Variants in YJU2 observed in about 807,000 individuals in gnomAD.
YJU2 encodes YJU2 splicing factor homolog.
A neutral mutation model predicts 39.6 loss-of-function variants in YJU2; 28 were observed. That is an observed-to-expected ratio of 0.71 (90% CI 0.52 to 0.97). YJU2 has a LOEUF of 0.97. Ranked by LOEUF, YJU2 falls within the 50% of genes least tolerant of loss-of-function variation. YJU2 has a pLI of 0.00. For missense variants in YJU2, 328 were observed against 430.4 expected (o/e 0.76, Z 2.11); for synonymous variants, 184 against 182.4 (o/e 1.01, Z -0.07).
In YJU2 at chr19:4,247,652, T is replaced by C. The variant is rs1422376450; in HGVS notation, c.24+482T>C. The stretch of plus-strand genomic sequence containing the variant: ...GTGTGTGTGTGTGTGTGTGTGTGTG[T>C]GTGTGTGTGTGTGTGTGTGTGTGTG... On this transcript the variant is annotated intron_variant, in intron 1 of 7. Coordinates refer to ENST00000262962, the MANE Select transcript of YJU2 (RefSeq NM_018074.6). Among the ~76,000 whole-genome samples the C allele has an allele frequency of 7.1e-3, 419 of 58,926 alleles. 43 individuals are homozygous for C. The highest frequency in any genetic ancestry group is 0.019 in the African/African-American group (183 of 9,684). 38.7% of individuals were successfully genotyped at this position (58,926 alleles called of 152,430 possible).
At chr19:4,264,577 C>T (rs563968774) in intron 6 of YJU2, among the ~76,000 whole-genome samples, 2 of 152,006 alleles carry the variant, frequency 1.3e-5, no homozygotes, top group East Asian at 3.9e-4. Flanking sequence ...ACCTTCGCCC[C>T]CCGGGTTCAA....
At chr19:4,261,654 C>T (rs1396333127) in intron 5 of YJU2, among the ~76,000 whole-genome samples, 1 of 151,958 alleles carries the variant, frequency 6.6e-6, no homozygotes, top group African/African-American at 2.4e-5. Context: ...GAGCGAGACT[C>T]TGTCTCAAAA....
chr19:4,268,849 G>C lies in YJU2; in HGVS notation c.*153G>C, dbSNP rs1971139896. 1 of 616,766 alleles carries C rather than the reference G, an allele frequency of 1.6e-6. No individual in the cohort carries two copies. The highest frequency in any genetic ancestry group is 1.9e-5 in the South Asian group (1 of 51,922). 38.2% of individuals were successfully genotyped at this position (616,766 alleles called of 1,614,324 possible). A position where few individuals can be genotyped will look rare whatever the true frequency, so the allele number is the denominator to read the frequency against. On this transcript the variant is annotated 3_prime_UTR_variant, in exon 8 of 8. Transcript: ENST00000262962. ...GTGCTCCAACACATAGGGCCACCAG[G>C]GGCCTCAGCCCCAGGAGGTCCCTTC...
intron 3 of YJU2, 69 bp downstream of exon 3, chr19:4,251,240 G>C: frequency 6.8e-7 from 1 of 1,461,536 alleles, no homozygotes; most frequent in Non-Finnish European, 9.5e-7. Context: ...GGGCCCTGGG[G>C]TTCCTTAACT....
chr19:4,252,297 TAAA>T (rs59412491), intron 3 of YJU2, among the ~76,000 whole-genome samples: 1 of 150,584 alleles, frequency 6.6e-6, no homozygotes, highest in Admixed American at 6.6e-5. Flanking sequence ...CCAACTCTAC[TAAA>T]AAAAAATACA....
intron 6 of YJU2, among the ~76,000 whole-genome samples, chr19:4,263,519 G>A (rs771068155): frequency 1.3e-5 from 2 of 152,034 alleles, no homozygotes; most frequent in East Asian, 1.9e-4. Flanking sequence ...CAACTAGAAC[G>A]AAGGGAGGCC....
chr19:4,265,751 G>C (rs1343891485), intron 6 of YJU2, among the ~76,000 whole-genome samples: 1 of 151,378 alleles, frequency 6.6e-6, no homozygotes, highest in African/African-American at 2.4e-5. Flanking sequence ...ACCACACCTG[G>C]CTAGGTTTTG....
At position 4,258,436 on chromosome 19, in the gene YJU2, C is replaced by A; in HGVS notation, c.587+13C>A. 1 of 1,569,202 alleles carries A rather than the reference C, an allele frequency of 6.4e-7. No homozygotes were observed. The highest frequency in any genetic ancestry group is 2.3e-5 in the East Asian group (1 of 43,546). ...AGCAGGAGACCGCGTGAGTCAGGGCCGGCCCAACCCAGCCCCACCTCGCAG... is the reference window on the plus strand; with the variant it reads ...AGCAGGAGACCGCGTGAGTCAGGGCAGGCCCAACCCAGCCCCACCTCGCAG... On this transcript the variant is annotated intron_variant, in intron 5 of 7. Transcript: ENST00000262962.
At chr19:4,251,001 T>A in intron 2 of YJU2, 26 bp from the exon 3 acceptor site, 7 of 1,611,968 alleles carry the variant, frequency 4.3e-6, no homozygotes, top group Non-Finnish European at 5.9e-6. Flanking sequence ...CCAAGACAGC[T>A]CACATCCCTA....
intron 7 of YJU2, among the ~76,000 whole-genome samples, chr19:4,268,345 C>G (rs1768372166): frequency 6.6e-6 from 1 of 152,248 alleles, no homozygotes; most frequent in Non-Finnish European, 1.5e-5. Context: ...CTTGGCAGCG[C>G]ACGTTGCCTG....
intron 6 of YJU2, among the ~76,000 whole-genome samples, chr19:4,263,023 G>A (rs548167150): frequency 4.1e-5 from 6 of 147,396 alleles, no homozygotes; most frequent in African/African-American, 1.5e-4. Context: ...GCAGCGAGCC[G>A]AGATCGTGCC....
intron 1 of YJU2, among the ~76,000 whole-genome samples, chr19:4,247,571 GTGGGGTGGCGCGTGT>G (rs1970930884): frequency 7.8e-5 from 7 of 89,464 alleles, no homozygotes; most frequent in African/African-American, 6.3e-4. Flanking sequence ...GTGGGGTGGG[GTGGGGTGGCGCGTGT>G]GTGTGTGTGT....
chr19:4,268,519 C>A, intron 7 of YJU2, 65 bp from the exon 8 acceptor site: 1 of 1,197,012 alleles, frequency 8.4e-7, no homozygotes. Flanking sequence ...GTGGCCGGCC[C>A]CGTGCCTTGT....
chr19:4,247,215 C>G (rs767201886), intron 1 of YJU2, 45 bp downstream of exon 1: 3 of 1,560,884 alleles, frequency 1.9e-6, no homozygotes, highest in Non-Finnish European at 2.6e-6. Context: ...GCAGGACATC[C>G]CGGAACTCCG....
At chr19:4,259,142 G>A (rs1971050076) in intron 5 of YJU2, among the ~76,000 whole-genome samples, 1 of 141,342 alleles carries the variant, frequency 7.1e-6, no homozygotes, top group African/African-American at 2.8e-5. Context: ...GAGGGCAGTG[G>A]CGCCATCTCG....
chr19:4,257,600 A>G (rs2144693793), intron 4 of YJU2, among the ~76,000 whole-genome samples: 1 of 152,238 alleles, frequency 6.6e-6, no homozygotes, highest in East Asian at 1.9e-4. Context: ...CAGCCTCCCA[A>G]GTAGCTGGGA....
At chr19:4,258,770 G>T (rs1971045290) in intron 5 of YJU2, among the ~76,000 whole-genome samples, 1 of 152,228 alleles carries the variant, frequency 6.6e-6, no homozygotes, top group African/African-American at 2.4e-5. Flanking sequence ...CCTAGCACCA[G>T]CCTGGAGGAC....
intron 4 of YJU2, 69 bp downstream of exon 4, chr19:4,254,558 T>C: frequency 1.4e-6 from 2 of 1,452,338 alleles, no homozygotes. Context: ...CCAATGGTTG[T>C]GCCCTTCCTG....
Position 4,268,574 on chromosome 19 carries a change from C to T in YJU2, c.860-10C>T, listed in dbSNP as rs762963457. 2 of 1,598,720 alleles carry T rather than the reference C, an allele frequency of 1.3e-6. No homozygotes were observed. The highest frequency in any genetic ancestry group is 1.7e-6 in the Non-Finnish European group (2 of 1,169,252). ...GAGCTGAGATGAGCTAACTCTCGCT[C>T]TCCCACCAGGAGCCCCGCAGAACAG... On this transcript the variant is annotated splice_polypyrimidine_tract_variant and intron_variant, in intron 7 of 7. Coordinates refer to ENST00000262962, the MANE Select transcript of YJU2 (RefSeq NM_018074.6).
Sources: allele counts gnomAD v4.1 joint callset (sites outside exome capture counted in the v4.1 genomes callset), GRCh38; gene constraint gnomAD v4.1.1; transcripts MANE v1.5; gene names NCBI Gene and HGNC (gene_info 2026-07-23, HGNC 2026-07-21).